Variants in CCDC40 observed in about 807,000 individuals in gnomAD.
CCDC40 encodes the protein coiled-coil domain 40 molecular ruler complex subunit.
CCDC40 carries 104 observed loss-of-function variants against 124.5 expected under a neutral mutation model. The observed-to-expected ratio is 0.84, with a 90% CI of 0.71 to 0.98. The LOEUF (loss-of-function observed/expected upper bound fraction) is 0.98. Ranked by LOEUF, CCDC40 falls within the 50% of genes least tolerant of loss-of-function variation. The pLI, the probability that CCDC40 is intolerant of heterozygous loss-of-function variation, is 0.00. For synonymous variants in CCDC40, 580 were observed against 602.9 expected, an observed-to-expected ratio of 0.96 and a Z score of 0.56; for missense variants, 1,463 against 1,503.9, an observed-to-expected ratio of 0.97 and a Z score of 0.45.
intron 16 of CCDC40, among the ~76,000 whole-genome samples, chr17:80,088,765 C>A (rs1010612297): frequency 1.3e-5 from 2 of 152,160 alleles, no homozygotes; most frequent in African/African-American, 4.8e-5. Flanking sequence ...TAGGATTGCA[C>A]CACTGCACTC....
chr17:80,060,775 C>A (rs2037876083), intron 9 of CCDC40, among the ~76,000 whole-genome samples: 1 of 152,122 alleles, frequency 6.6e-6, no homozygotes, highest in African/African-American at 2.4e-5. Flanking sequence ...TATGAGAGAG[C>A]CCCAAAGCAA....
intron 10 of CCDC40, chr17:80,067,173 G>T: frequency 4.2e-6 from 1 of 235,894 alleles, no homozygotes. Flanking sequence ...TCACCTCCGA[G>T]ATGGTCCTGT....
chr17:80,058,568 C>G lies in CCDC40; in HGVS notation c.1234C>G (p.Arg412Gly), dbSNP rs200512481. 8.7e-6 allele frequency: 14 copies of G among 1,614,032 alleles called. No homozygotes were observed. The highest frequency in any genetic ancestry group is 2.7e-5 in the African/African-American group (2 of 75,044). The change falls in exon 8 of 20, where the codon CGT becomes GGT. Residue 412 changes from arginine to glycine, a missense_variant. Arg to Gly is a moderately radical substitution (Grantham distance 125). Transcript: ENST00000397545. The surrounding 1 kb of genome is among the most constrained non-coding windows in gnomAD (Gnocchi z 4.2). ...CATGCAGAACATCGACCAGGACATG[C>G]GTGACGACATCCGCGTGATGACACA... is the stretch of plus-strand genomic sequence containing the variant. ...FYMQNIDQDM[R>G]DDIRVMTQVV...
chr17:80,043,208 G>A (rs1410208416), intron 3 of CCDC40, among the ~76,000 whole-genome samples: 23 of 152,102 alleles, frequency 1.5e-4, no homozygotes, highest in Non-Finnish European at 2.2e-4. Flanking sequence ...TTGTGTGATC[G>A]GACGCACCTC....
rs2038663471 is a variant in CCDC40 at position 80,089,775 on chromosome 17, T to C, written c.2723T>C (p.Met908Thr). 9.3e-6 allele frequency: 15 copies of C among 1,614,212 alleles called. No individual in the cohort carries two copies. Among genetic ancestry groups the C allele is most frequent in the East Asian group, 6.7e-5 (3 of 44,882 alleles). Reference protein sequence around the residue: ...NQLVEAEHQIMLWEKKIQLAK... With the variant: ...NQLVEAEHQITLWEKKIQLAK... ...TCCTACCTCTAAAGACACCAGATTA[T>C]GCTTTGGGAGAAAAAAATCCAACTG... Residue 908 changes from methionine (M) to threonine (T), a missense_variant, in exon 17 of 20, where the codon ATG becomes ACG. Transcript: ENST00000397545.
Position 80,036,691 on chromosome 17 carries a change from G to A in CCDC40, c.29G>A (p.Arg10Gln), listed in dbSNP as rs922758159. Residue 10 changes from arginine (R) to glutamine (Q), a missense_variant and splice_region_variant, in exon 1 of 20, where the codon CGG becomes CAG. Physicochemically the swap from Arg to Gln is conservative, Grantham distance 43. Transcript: ENST00000397545. The stretch of plus-strand genomic sequence containing the variant: ...GCGGAACCGGGCGGCGCGGCGGGCC[G>A]GTAAGCCGGGCCGAGGGGCAGCGGG... MAEPGGAAGRSHPEDGSASE... is the reference protein window; with the variant it reads MAEPGGAAGQSHPEDGSASE... 3 of 1,462,648 alleles carry A rather than the reference G, an allele frequency of 2.1e-6. No homozygotes were observed. The highest frequency in any genetic ancestry group is 1.4e-5 in the African/African-American group (1 of 69,178). 90.6% of individuals were successfully genotyped at this position (1,462,648 alleles called of 1,614,324 possible).
Position 80,097,374 on chromosome 17 carries a change from C to T in CCDC40, c.3151C>T (p.Leu1051Phe), listed in dbSNP as rs201599478. Residue 1051 changes from leucine to phenylalanine, a missense_variant, in exon 19 of 20, where the codon CTC becomes TTC. Transcript: ENST00000397545. The stretch of plus-strand genomic sequence containing the variant: ...AGACTTCGACACACTCGAGGCCGAC[C>T]TCACCCGGCTTGGGGCCCTCAAACG... ...QADFDTLEADLTRLGALKRQN... is the reference protein window; with the variant it reads ...QADFDTLEADFTRLGALKRQN... The T allele has an allele frequency of 1.9e-6, 3 of 1,614,008 alleles. No homozygotes were observed. Among genetic ancestry groups the T allele is most frequent in the South Asian group, 2.2e-5 (2 of 91,086 alleles).
Position 80,097,622 on chromosome 17 carries a change from G to T in CCDC40, c.3180+219G>T, listed in dbSNP as rs1285210772. ...TGATGGAGTATCTGTTATGGGCTGG[G>T]CTCATGTTCAGCGTGCGAGGGTTAC... is the stretch of plus-strand genomic sequence containing the variant. On this transcript the variant is annotated intron_variant, in intron 19 of 19. Transcript: ENST00000397545. The T allele has an allele frequency of 8.1e-5, 48 of 589,490 alleles. No homozygotes were observed. The East Asian group carries it at 1.3e-3, about 16-fold the overall frequency. 36.5% of individuals were successfully genotyped at this position (589,490 alleles called of 1,614,324 possible). A position where few individuals can be genotyped will look rare whatever the true frequency, so the allele number is the denominator to read the frequency against.
Position 80,048,758 on chromosome 17 carries a change from C to T in CCDC40, c.852C>T (p.Asp284=), listed in dbSNP as rs940363146. The T allele has an allele frequency of 6.2e-7, 1 of 1,608,386 alleles. No individual in the cohort carries two copies. ...EGSQLVVLDP[D]HPLMVRFQAA... ...CCCAGCTGGTGGTTTTGGACCCAGA[C>T]CACGTAAGGAAGCCTTCCCAGGTTT... Residue 284 remains aspartate, a synonymous_variant, in exon 5 of 20, where the codon GAC becomes GAT. Transcript: ENST00000397545.
chr17:80,062,985 A>AG, intron 9 of CCDC40, among the ~76,000 whole-genome samples: 1 of 152,132 alleles, frequency 6.6e-6, no homozygotes, highest in East Asian at 1.9e-4. Context: ...CCTGAGGGTC[A>AG]GGAGTTCGAG....
rs182104049 is a variant in CCDC40 at position 80,081,797 on chromosome 17, C to T, written c.1806+8C>T. 2.1e-4 allele frequency: 342 copies of T among 1,613,890 alleles called. No individual in the cohort carries two copies. In the African/African-American group the frequency reaches 2.5e-3, roughly 12 times the overall value. On this transcript the variant is annotated splice_region_variant and intron_variant, in intron 11 of 19. Coordinates refer to ENST00000397545, the MANE Select transcript of CCDC40 (RefSeq NM_017950.4). ...CTCAGCCAGGACCAGCTGGTGAGGC[C>T]GGGCCCGCCCCACAGGTCACACCTG...
intron 17 of CCDC40, among the ~76,000 whole-genome samples, chr17:80,093,043 C>T (rs1472018547): frequency 6.6e-6 from 1 of 152,196 alleles, no homozygotes; most frequent in Non-Finnish European, 1.5e-5. Flanking sequence ...AACTACCGTC[C>T]AGTCCTTGTT....
chr17:80,078,855 G>A (rs1372931479), intron 10 of CCDC40, among the ~76,000 whole-genome samples: 1 of 151,382 alleles, frequency 6.6e-6, no homozygotes, highest in Admixed American at 6.6e-5. Flanking sequence ...CCATAGATCA[G>A]TTTGAAGAGA....
chr17:80,045,420 T>G (rs904275232), intron 3 of CCDC40, among the ~76,000 whole-genome samples: 1 of 152,136 alleles, frequency 6.6e-6, no homozygotes, highest in African/African-American at 2.4e-5. Context: ...CTTTTAAAGC[T>G]AAAATGGATG....
intron 3 of CCDC40, among the ~76,000 whole-genome samples, chr17:80,041,456 C>T (rs11654426): frequency 0.18 from 26,588 of 151,154 alleles, 2,911 homozygotes; most frequent in East Asian, 0.36. Flanking sequence ...TGCCGTCAGC[C>T]GAGATCGCAC....
intron 10 of CCDC40, among the ~76,000 whole-genome samples, chr17:80,069,483 C>T (rs1012183667): frequency 4.6e-5 from 7 of 152,194 alleles, no homozygotes; most frequent in South Asian, 2.1e-4. Flanking sequence ...CGGTGGCTCA[C>T]GCCTGTAATC....
chr17:80,090,211 A>T (rs1186240705), intron 17 of CCDC40: 13 of 760,584 alleles, frequency 1.7e-5, no homozygotes, highest in African/African-American at 7.3e-5. Flanking sequence ...AGGCACGTGC[A>T]CGAAGAACAC....
At chr17:80,050,334 AGGGG>A in intron 7 of CCDC40, 51 bp downstream of exon 7, 1 of 1,437,508 alleles carries the variant, frequency 7.0e-7, no homozygotes, top group Non-Finnish European at 9.6e-7. Flanking sequence ...AGGGTTTCCC[AGGGG>A]TGTCTCCATG....
chr17:80,091,659 T>G (rs999595961), intron 17 of CCDC40, among the ~76,000 whole-genome samples: 34 of 152,202 alleles, frequency 2.2e-4, no homozygotes, highest in African/African-American at 8.2e-4. Context: ...CTCACAGTTC[T>G]ACCCAAAACA....
Sources: gnomAD v4.1 joint callset for allele counts (sites outside exome capture counted in the v4.1 genomes callset) on GRCh38, gnomAD v4.1.1 for gene constraint, Gnocchi (gnomAD v3.1) non-coding constraint, MANE v1.5 for transcripts, NCBI Gene and HGNC (gene_info 2026-07-23, HGNC 2026-07-21) for gene names.